AGAP1: variants seen among roughly 807,000 people sequenced by gnomAD.
The protein encoded by AGAP1 is arf-GAP with GTPase, ANK repeat and PH domain-containing protein 1.
AGAP1 carries 29 observed loss-of-function variants against 105.3 expected under a neutral mutation model. That is an observed-to-expected ratio of 0.28 (90% CI 0.21 to 0.38). The LOEUF (loss-of-function observed/expected upper bound fraction) is 0.38. AGAP1 is among the 10% of genes least tolerant of loss of function. The pLI is 1.00. For missense variants in AGAP1, 998 were observed against 1,165.1 expected, an observed-to-expected ratio of 0.86 and a Z score of 2.09; for synonymous variants, 509 against 485.9, an observed-to-expected ratio of 1.05 and a Z score of -0.63.
Position 235,889,873 on chromosome 2 carries a change from A to C in AGAP1, c.1155+6424A>C, listed in dbSNP as rs1028652313. On this transcript the variant is annotated intron_variant, in intron 10 of 17. Transcript: ENST00000304032. This position sits in a 1 kb window ranked among gnomAD's most constrained non-coding sequence, Gnocchi z 4.6. Reference sequence around the variant, plus strand: ...TTCCCTGGAAATCAGAGGGGAAAAGAAGCAAAACATGGAGCCAACTCAGAC... The same window carrying C: ...TTCCCTGGAAATCAGAGGGGAAAAGCAGCAAAACATGGAGCCAACTCAGAC... 3.3e-5 allele frequency among the ~76,000 whole-genome samples: 5 copies of C among 152,176 alleles called. No homozygotes were observed. Among genetic ancestry groups the C allele is most frequent in the African/African-American group, 4.8e-5 (2 of 41,442 alleles).
At chr2:235,711,263 C>T (rs961031160) in intron 2 of AGAP1, among the ~76,000 whole-genome samples, 2 of 152,208 alleles carry the variant, frequency 1.3e-5, no homozygotes, top group African/African-American at 2.4e-5. Flanking sequence ...ACAGGGCCAG[C>T]GGCCACCCTA....
Position 235,961,630 on chromosome 2 carries a change from C to T in AGAP1, c.1484-6832C>T, listed in dbSNP as rs1308400807. On this transcript the variant is annotated intron_variant, in intron 12 of 17. Transcript: ENST00000304032. This position sits in a 1 kb window ranked among gnomAD's most constrained non-coding sequence, Gnocchi z 5.9. Reference sequence around the variant, plus strand: ...GTGTTAAAAATGTGAGATGACAGGGCCGGGCGTGGTGGCTCATGCCTATAA... The same window carrying T: ...GTGTTAAAAATGTGAGATGACAGGGTCGGGCGTGGTGGCTCATGCCTATAA... Among the ~76,000 whole-genome samples, 3 of 152,256 alleles carry T rather than the reference C, an allele frequency of 2.0e-5. No homozygotes were observed. Among genetic ancestry groups the T allele is most frequent in the African/African-American group, 7.2e-5 (3 of 41,546 alleles).
At chr2:235,878,569 T>C (rs1380157555) in intron 9 of AGAP1, among the ~76,000 whole-genome samples, 1 of 152,158 alleles carries the variant, frequency 6.6e-6, no homozygotes, top group Non-Finnish European at 1.5e-5. Flanking sequence ...CTGTTCTCCT[T>C]TCCTTGAAGA....
In AGAP1 at chr2:236,089,478, G is replaced by A. The variant is rs112158119; in HGVS notation, c.2115-30714G>A. On this transcript the variant is annotated intron_variant, in intron 16 of 17. Coordinates refer to ENST00000304032, the MANE Select transcript of AGAP1 (RefSeq NM_001037131.3). The surrounding 1 kb of genome is among the most constrained non-coding windows in gnomAD (Gnocchi z 5.6). ...CGGGTACTGGCAGAAGAGAGTGAGC[G>A]TAGCAACTGGGAGGTGGCCTGATGG... Among the ~76,000 whole-genome samples, 20 of 152,328 alleles carry A rather than the reference G, an allele frequency of 1.3e-4. No homozygotes were observed. Among genetic ancestry groups the A allele is most frequent in the Non-Finnish European group, 2.6e-4 (18 of 68,038 alleles).
rs557520793 is a variant in AGAP1, at chr2:235,642,541, A to G, written c.164-66638A>G. On this transcript the variant is annotated intron_variant, in intron 1 of 17. Coordinates refer to ENST00000304032, the MANE Select transcript of AGAP1 (RefSeq NM_001037131.3). This position sits in a 1 kb window ranked among gnomAD's most constrained non-coding sequence, Gnocchi z 4.1. ...CCTGGACTTGTCTTCTCCACCTTCCACTTGTCCTAACAGCTGTCGGGACCA... is the reference window on the plus strand; with the variant it reads ...CCTGGACTTGTCTTCTCCACCTTCCGCTTGTCCTAACAGCTGTCGGGACCA... 4.6e-5 allele frequency among the ~76,000 whole-genome samples: 7 copies of G among 151,990 alleles called. No individual in the cohort carries two copies. In the South Asian group the frequency reaches 1.5e-3, roughly 32 times the overall value.
chr2:235,505,637 A>G (rs1019591236), intron 1 of AGAP1: 10 of 152,076 alleles, frequency 6.6e-5, no homozygotes, highest in Non-Finnish European at 1.3e-4. Flanking sequence ...TGATACAGGT[A>G]GAGATCGCAG....
In AGAP1 at chr2:235,744,949, C is replaced by T. The variant is rs1013696547; in HGVS notation, c.538+110C>T. On this transcript the variant is annotated intron_variant, in intron 5 of 17. Coordinates refer to ENST00000304032, the MANE Select transcript of AGAP1 (RefSeq NM_001037131.3). This position sits in a 1 kb window ranked among gnomAD's most constrained non-coding sequence, Gnocchi z 5.2. ...AAAGAAGGAAAAATTGCCTACTGAA[C>T]GCTCACTTTTTTGGGAAAAATTATG... 4.5e-5 allele frequency: 60 copies of T among 1,331,642 alleles called. No homozygotes were observed. The highest frequency in any genetic ancestry group is 4.4e-4 in the African/African-American group (30 of 67,840). 82.5% of individuals were successfully genotyped at this position (1,331,642 alleles called of 1,614,324 possible). A position where few individuals can be genotyped will look rare whatever the true frequency, so the allele number is the denominator to read the frequency against.
At chr2:235,651,164 G>T (rs1239957858) in intron 1 of AGAP1, among the ~76,000 whole-genome samples, 1 of 118,702 alleles carries the variant, frequency 8.4e-6, no homozygotes, top group African/African-American at 3.0e-5. Context: ...CAGCCAGAGT[G>T]ACAGAGTGAA....
rs192088761 is a variant in AGAP1, at chr2:236,009,210, A to G, written c.1646-27351A>G. ...CCACTGCCTTTTTATAAGAGAACAGAACATTTACACCGTCTTGTTGAGCAA... is the reference window on the plus strand; with the variant it reads ...CCACTGCCTTTTTATAAGAGAACAGGACATTTACACCGTCTTGTTGAGCAA... On this transcript the variant is annotated intron_variant, in intron 13 of 17. Coordinates refer to ENST00000304032, the MANE Select transcript of AGAP1 (RefSeq NM_001037131.3). This position sits in a 1 kb window ranked among gnomAD's most constrained non-coding sequence, Gnocchi z 4.2. 2.6e-5 allele frequency among the ~76,000 whole-genome samples: 4 copies of G among 152,350 alleles called. No individual in the cohort carries two copies. The East Asian group carries it at 5.8e-4, about 22-fold the overall frequency.
Position 235,901,367 on chromosome 2 carries a change from A to C in AGAP1, c.1156-7371A>C, listed in dbSNP as rs1407918131. On this transcript the variant is annotated intron_variant, in intron 10 of 17. Coordinates refer to ENST00000304032, the MANE Select transcript of AGAP1 (RefSeq NM_001037131.3). The surrounding 1 kb of genome is among the most constrained non-coding windows in gnomAD (Gnocchi z 4.3). ...TTCCTTTTGATACTGGATATTCATG[A>C]AGTGCAGTGAAAATAGGGAATAATG... Among the ~76,000 whole-genome samples the C allele has an allele frequency of 2.0e-5, 3 of 152,152 alleles. No homozygotes were observed. The highest frequency in any genetic ancestry group is 4.4e-5 in the Non-Finnish European group (3 of 68,048).
intron 12 of AGAP1, 150 bp from the exon 13 acceptor site, chr2:235,968,312 C>T (rs932325343): frequency 2.7e-5 from 29 of 1,084,342 alleles, no homozygotes; most frequent in Admixed American, 2.7e-4. Flanking sequence ...GGCTCTAGGC[C>T]TCCAACTCAG....
In AGAP1 at chr2:235,964,139, G is replaced by A. The variant is rs992473118; in HGVS notation, c.1484-4323G>A. Among the ~76,000 whole-genome samples the A allele has an allele frequency of 6.6e-5, 10 of 152,136 alleles. No homozygotes were observed. The highest frequency in any genetic ancestry group is 3.9e-4 in the Admixed American group (6 of 15,270). On this transcript the variant is annotated intron_variant, in intron 12 of 17. Coordinates refer to ENST00000304032, the MANE Select transcript of AGAP1 (RefSeq NM_001037131.3). The surrounding 1 kb of genome is among the most constrained non-coding windows in gnomAD (Gnocchi z 4.6). ...TCCTAACTGTGGGCTCCGTGGGAGT[G>A]TAGAGATGAGAAATGTTAGTTTGGG...
In AGAP1 at chr2:236,129,113, C is replaced by T. The variant is rs1396329509; in HGVS notation, c.*4991C>T. ...CAAAAAGCTAAATAAGGGCCTTTGG[C>T]ATCAATGCGTGCATTCTCCACCTTT... On this transcript the variant is annotated 3_prime_UTR_variant, in exon 18 of 18. Coordinates refer to ENST00000304032, the MANE Select transcript of AGAP1 (RefSeq NM_001037131.3). This position sits in a 1 kb window ranked among gnomAD's most constrained non-coding sequence, Gnocchi z 6.2. 1 of 152,224 alleles carries T rather than the reference C, an allele frequency of 6.6e-6. No individual in the cohort carries two copies. The highest frequency in any genetic ancestry group is 1.5e-5 in the Non-Finnish European group (1 of 68,028). The allele number at this position is 152,224 out of a possible 1,614,324, so 9.4% of individuals were successfully genotyped here. A position where few individuals can be genotyped will look rare whatever the true frequency, so the allele number is the denominator to read the frequency against.
rs2054742187 is a variant in AGAP1, at chr2:235,973,597, G to A, written c.1645+4974G>A. 6.6e-6 allele frequency among the ~76,000 whole-genome samples: 1 copy of A among 152,214 alleles called. No homozygotes were observed. Among genetic ancestry groups the A allele is most frequent in the Non-Finnish European group, 1.5e-5 (1 of 68,038 alleles). On this transcript the variant is annotated intron_variant, in intron 13 of 17. Coordinates refer to ENST00000304032, the MANE Select transcript of AGAP1 (RefSeq NM_001037131.3). This position sits in a 1 kb window ranked among gnomAD's most constrained non-coding sequence, Gnocchi z 4.7. ...ATGAGGATGAGGGCCATGAGGCATG[G>A]TGACTGTGACCAGCTGATGGAAGGT...
chr2:236,114,049 G>A lies in AGAP1; in HGVS notation c.2115-6143G>A, dbSNP rs552592901. ...GGCTGATTTATTTAAAGGTGTGTCA[G>A]CACCACATCAAATGAGGAACTGGGC... On this transcript the variant is annotated intron_variant, in intron 16 of 17. Coordinates refer to ENST00000304032, the MANE Select transcript of AGAP1 (RefSeq NM_001037131.3). The surrounding 1 kb of genome is among the most constrained non-coding windows in gnomAD (Gnocchi z 5.0). Among the ~76,000 whole-genome samples the A allele has an allele frequency of 4.6e-5, 7 of 152,252 alleles. 1 individual carries two copies. In the South Asian group the frequency reaches 1.5e-3, roughly 32 times the overall value.
chr2:235,569,768 G>A lies in AGAP1; in HGVS notation c.163+74919G>A, dbSNP rs1045206063. On this transcript the variant is annotated intron_variant, in intron 1 of 17. Transcript: ENST00000304032. This position sits in a 1 kb window ranked among gnomAD's most constrained non-coding sequence, Gnocchi z 5.9. Reference sequence around the variant, plus strand: ...TATGGAACCTGTAGGTTCTGAGACCGAGCCTTGGGTAGTTTTTATTTCTTA... The same window carrying A: ...TATGGAACCTGTAGGTTCTGAGACCAAGCCTTGGGTAGTTTTTATTTCTTA... 6.6e-6 allele frequency among the ~76,000 whole-genome samples: 1 copy of A among 152,186 alleles called. No individual in the cohort carries two copies. Among genetic ancestry groups the A allele is most frequent in the Non-Finnish European group, 1.5e-5 (1 of 68,046 alleles).
At chr2:236,112,702 G>A (rs3754648) in intron 16 of AGAP1, among the ~76,000 whole-genome samples, 62,252 of 152,114 alleles carry the variant, frequency 0.41, 15,040 homozygotes, top group African/African-American at 0.68. Flanking sequence ...GGCGGCACTC[G>A]CATTCACACG....
rs1306683152 is a variant in AGAP1 at position 236,001,022 on chromosome 2, C to G, written c.1645+32399C>G. ...AAGAGATGAGTTGTCCTAACCCCCACTACCTCAGAATGTGGCCTCATATGG... is the reference window on the plus strand; with the variant it reads ...AAGAGATGAGTTGTCCTAACCCCCAGTACCTCAGAATGTGGCCTCATATGG... On this transcript the variant is annotated intron_variant, in intron 13 of 17. Transcript: ENST00000304032. This position sits in a 1 kb window ranked among gnomAD's most constrained non-coding sequence, Gnocchi z 4.7. Among the ~76,000 whole-genome samples, 1 of 152,212 alleles carries G rather than the reference C, an allele frequency of 6.6e-6. No homozygotes were observed. Among genetic ancestry groups the G allele is most frequent in the Non-Finnish European group, 1.5e-5 (1 of 68,038 alleles).
chr2:235,993,599 A>G lies in AGAP1; in HGVS notation c.1645+24976A>G, dbSNP rs975307200. Among the ~76,000 whole-genome samples the G allele has an allele frequency of 6.6e-5, 10 of 152,250 alleles. No homozygotes were observed. The highest frequency in any genetic ancestry group is 2.4e-4 in the African/African-American group (10 of 41,482). Reference sequence around the variant, plus strand: ...AGTTCACATTGTGGAAACTGAAGCCAGCAAGATACTGTGAAGGAAAATGCT... The same window carrying G: ...AGTTCACATTGTGGAAACTGAAGCCGGCAAGATACTGTGAAGGAAAATGCT... On this transcript the variant is annotated intron_variant, in intron 13 of 17. Coordinates refer to ENST00000304032, the MANE Select transcript of AGAP1 (RefSeq NM_001037131.3). The surrounding 1 kb of genome is among the most constrained non-coding windows in gnomAD (Gnocchi z 5.0).
Sources: gnomAD v4.1 joint callset for allele counts (sites outside exome capture counted in the v4.1 genomes callset) on GRCh38, gnomAD v4.1.1 for gene constraint, Gnocchi (gnomAD v3.1) non-coding constraint, MANE v1.5 for transcripts, NCBI Gene and HGNC (gene_info 2026-07-23, HGNC 2026-07-21) for gene names.